EYS: variants seen among roughly 807,000 people sequenced by gnomAD.
The protein encoded by EYS is protein eyes shut homolog.
Under a neutral mutation model 282.1 loss-of-function variants are expected in EYS, and 250 were observed. The observed-to-expected ratio is 0.89, with a 90% CI of 0.80 to 0.98. The LOEUF (loss-of-function observed/expected upper bound fraction) is 0.98. Ranked by LOEUF, EYS falls within the 50% of genes least tolerant of loss-of-function variation. The pLI is 0.00. For missense variants in EYS, 4,016 were observed against 3,709.0 expected (o/e 1.08, Z -2.15); for synonymous variants, 1,355 against 1,282.9 (o/e 1.06, Z -1.20).
chr6:64,086,403 C>G (rs1014404955), intron 31 of EYS, among the ~76,000 whole-genome samples: 1 of 152,072 alleles, frequency 6.6e-6, no homozygotes, highest in Non-Finnish European at 1.5e-5. Context: ...TCATAATTAC[C>G]TGAGACCTTT....
intron 35 of EYS, among the ~76,000 whole-genome samples, chr6:63,883,584 A>G (rs984448474): frequency 1.3e-5 from 2 of 152,218 alleles, no homozygotes; most frequent in Non-Finnish European, 2.9e-5. Context: ...TCCTCGAAGT[A>G]GGGACTCTAC....
intron 12 of EYS, among the ~76,000 whole-genome samples, chr6:65,216,171 AT>A (rs1766307832): frequency 6.6e-6 from 1 of 152,072 alleles, no homozygotes; most frequent in Non-Finnish European, 1.5e-5. Context: ...AAAAGCAAAT[AT>A]TATATAATTA....
intron 22 of EYS, among the ~76,000 whole-genome samples, chr6:64,735,037 T>C (rs1772138408): frequency 6.6e-6 from 1 of 152,170 alleles, no homozygotes; most frequent in Non-Finnish European, 1.5e-5. Flanking sequence ...AAGACTGAAG[T>C]GTCTAGTCTA....
At chr6:65,473,738 T>C (rs1421654615) in intron 5 of EYS, among the ~76,000 whole-genome samples, 1 of 151,668 alleles carries the variant, frequency 6.6e-6, no homozygotes, top group African/African-American at 2.4e-5. Flanking sequence ...TAATAAATAG[T>C]AGATATGGGG....
intron 22 of EYS, among the ~76,000 whole-genome samples, chr6:64,728,625 G>A (rs574747564): frequency 1.4e-4 from 22 of 152,264 alleles, no homozygotes; most frequent in African/African-American, 4.6e-4. Flanking sequence ...GTGAGCCACC[G>A]CGACCAGCCA....
intron 30 of EYS, among the ~76,000 whole-genome samples, chr6:64,298,353 G>T (rs1007869671): frequency 2.6e-4 from 4 of 15,188 alleles, no homozygotes; most frequent in Non-Finnish European, 7.0e-4. Context: ...TTACTAGTTG[G>T]GGGGGGCACA....
chr6:64,315,907 T>A (rs1400657953), intron 29 of EYS, among the ~76,000 whole-genome samples: 4 of 152,174 alleles, frequency 2.6e-5, no homozygotes, highest in Non-Finnish European at 5.9e-5. Context: ...ACAAGGCTGG[T>A]TCAACATATG....
chr6:63,774,778 A>T (rs572489486), intron 40 of EYS, among the ~76,000 whole-genome samples: 83 of 152,216 alleles, frequency 5.5e-4, no homozygotes, highest in African/African-American at 1.9e-3. Context: ...AACTTGCTTA[A>T]AAACACCTAT....
chr6:64,841,010 A>AT, intron 19 of EYS, among the ~76,000 whole-genome samples: 1 of 151,912 alleles, frequency 6.6e-6, no homozygotes, highest in Non-Finnish European at 1.5e-5. Context: ...TTCAAACTTT[A>AT]TTTTTTTCTT....
intron 39 of EYS, among the ~76,000 whole-genome samples, chr6:63,778,398 G>T (rs189499625): frequency 6.6e-6 from 1 of 151,382 alleles, no homozygotes; most frequent in South Asian, 2.1e-4. Flanking sequence ...ACATTTTGGT[G>T]TGTGTGTGTG....
At position 64,007,687 on chromosome 6, in the gene EYS, T is replaced by C. The variant is rs147407458; in HGVS notation, c.6726-8504A>G. Among the ~76,000 whole-genome samples, 1,005 of 152,312 alleles carry C rather than the reference T, an allele frequency of 6.6e-3. 7 individuals carry two copies. The highest frequency in any genetic ancestry group is 7.5e-3 in the Non-Finnish European group (513 of 68,026). ...GCCCCAGGAATTCTTGTATGTTGTA[T>C]CTTTATTCATATTATTTTCAAAGAA... On this transcript the variant is annotated intron_variant, in intron 33 of 42. Coordinates refer to ENST00000503581, the MANE Select transcript of EYS (RefSeq NM_001142800.2).
At chr6:63,878,775 C>G (rs1406193650) in intron 35 of EYS, among the ~76,000 whole-genome samples, 10 of 152,196 alleles carry the variant, frequency 6.6e-5, no homozygotes, top group Admixed American at 6.5e-4. Flanking sequence ...ACCCTCTGAG[C>G]CAGGCACGGG....
intron 2 of EYS, among the ~76,000 whole-genome samples, chr6:65,588,296 T>C (rs1194801369): frequency 6.6e-6 from 1 of 152,108 alleles, no homozygotes; most frequent in Non-Finnish European, 1.5e-5. Flanking sequence ...ATCATATTCT[T>C]ATTGTGCCAA....
chr6:65,082,597 C>T (rs1444874035), intron 12 of EYS, among the ~76,000 whole-genome samples: 1 of 151,976 alleles, frequency 6.6e-6, no homozygotes, highest in African/African-American at 2.4e-5. Context: ...TATTAAGGCA[C>T]TGGCAAAATT....
chr6:64,498,553 C>T (rs1776953321), intron 26 of EYS, among the ~76,000 whole-genome samples: 1 of 151,846 alleles, frequency 6.6e-6, no homozygotes, highest in Non-Finnish European at 1.5e-5. Context: ...TTTGCTGCAC[C>T]CATCAACCCA....
chr6:64,477,076 T>G (rs1465674451), intron 26 of EYS, among the ~76,000 whole-genome samples: 1 of 152,138 alleles, frequency 6.6e-6, no homozygotes, highest in Non-Finnish European at 1.5e-5. Flanking sequence ...CCCCAACCAA[T>G]GACTCACCAA....
chr6:64,689,199 C>G (rs571733433), intron 22 of EYS, among the ~76,000 whole-genome samples: 2 of 152,122 alleles, frequency 1.3e-5, no homozygotes, highest in African/African-American at 4.8e-5. Context: ...AGAGCCAAAT[C>G]ATGAGTGAAC....
At chr6:64,362,545 A>G (rs1307817294) in intron 29 of EYS, among the ~76,000 whole-genome samples, 1 of 151,846 alleles carries the variant, frequency 6.6e-6, no homozygotes. Context: ...GTAAATATGC[A>G]GAAGTATTTT....
chr6:65,363,840 AT>A (rs966661116), intron 8 of EYS, among the ~76,000 whole-genome samples: 28 of 151,732 alleles, frequency 1.8e-4, no homozygotes, highest in Non-Finnish European at 3.7e-4. Flanking sequence ...CCTTATTATA[AT>A]TTTTTAATAT....
Sources: allele counts gnomAD v4.1 joint callset (sites outside exome capture counted in the v4.1 genomes callset), GRCh38; gene constraint gnomAD v4.1.1; transcripts MANE v1.5; gene names NCBI Gene and HGNC (gene_info 2026-07-23, HGNC 2026-07-21).